UBE3D: variants seen among roughly 807,000 people sequenced by gnomAD.
UBE3D encodes E3 ubiquitin-protein ligase E3D.
A neutral mutation model predicts 49.6 loss-of-function variants in UBE3D; 48 were observed. The ratio of observed to expected loss-of-function variants is 0.97; its 90% CI spans 0.77 to 1.23. UBE3D has a LOEUF of 1.23. Among genes scored for constraint, UBE3D ranks in the 50% most tolerant of loss-of-function variants. UBE3D has a pLI of 0.00. For synonymous variants in UBE3D, 189 were observed against 174.2 expected (o/e 1.08, Z -0.67); for missense variants, 452 against 468.4 (o/e 0.96, Z 0.32).
intron 4 of UBE3D, among the ~76,000 whole-genome samples, chr6:83,043,619 C>T (rs984085235): frequency 2.0e-5 from 3 of 152,070 alleles, no homozygotes; most frequent in Non-Finnish European, 2.9e-5. Context: ...TTCCTGCAGT[C>T]GCTCAGTTAT....
chr6:83,032,533 C>T (rs1781952620), intron 5 of UBE3D, among the ~76,000 whole-genome samples: 1 of 152,158 alleles, frequency 6.6e-6, no homozygotes, highest in Non-Finnish European at 1.5e-5. Flanking sequence ...TGCCTTGTAT[C>T]CGATGAGACT....
chr6:82,999,304 C>T (rs1357705078), intron 8 of UBE3D, among the ~76,000 whole-genome samples: 1 of 152,158 alleles, frequency 6.6e-6, no homozygotes, highest in Non-Finnish European at 1.5e-5. Context: ...CCAGACCTTT[C>T]CATCTTGTCC....
intron 5 of UBE3D, among the ~76,000 whole-genome samples, chr6:83,029,189 A>C (rs902917853): frequency 1.3e-5 from 2 of 152,034 alleles, no homozygotes; most frequent in African/African-American, 4.8e-5. Context: ...TTTTTGTATA[A>C]ATTTTTTTTC....
chr6:82,975,544 A>G (rs189640926), intron 8 of UBE3D, among the ~76,000 whole-genome samples: 1 of 152,294 alleles, frequency 6.6e-6, no homozygotes, highest in African/African-American at 2.4e-5. Context: ...CTTACAAGAA[A>G]TATATACTAT....
chr6:82,985,703 T>C (rs1394382895), intron 8 of UBE3D, among the ~76,000 whole-genome samples: 1 of 152,172 alleles, frequency 6.6e-6, no homozygotes, highest in Non-Finnish European at 1.5e-5. Context: ...TTGAAATGGA[T>C]CCCCGTGTAA....
At chr6:82,937,391 T>C (rs12206178) in intron 9 of UBE3D, among the ~76,000 whole-genome samples, 185 of 152,046 alleles carry the variant, frequency 1.2e-3, no homozygotes, top group Non-Finnish European at 2.2e-3. Flanking sequence ...ACACAGCAGC[T>C]CCCTCCATGA....
chr6:83,007,022 T>C (rs1780028436), intron 8 of UBE3D, among the ~76,000 whole-genome samples: 1 of 152,196 alleles, frequency 6.6e-6, no homozygotes, highest in Non-Finnish European at 1.5e-5. Context: ...ACTAATACTA[T>C]TCTAGGACTA....
intron 4 of UBE3D, among the ~76,000 whole-genome samples, chr6:83,041,689 C>A (rs1782681038): frequency 6.6e-6 from 1 of 151,734 alleles, no homozygotes; most frequent in African/African-American, 2.4e-5. Flanking sequence ...TCTAAGAAAA[C>A]AAAAAAGACA....
At chr6:82,927,932 G>C (rs1172007438) in intron 9 of UBE3D, among the ~76,000 whole-genome samples, 1 of 151,862 alleles carries the variant, frequency 6.6e-6, no homozygotes, top group African/African-American at 2.4e-5. Context: ...TATTCTTAGG[G>C]AGATGGAAAC....
intron 7 of UBE3D, among the ~76,000 whole-genome samples, chr6:83,020,394 T>C (rs1781010271): frequency 6.6e-6 from 1 of 151,242 alleles, no homozygotes; most frequent in Admixed American, 6.6e-5. Flanking sequence ...TACATATATA[T>C]AGTTGTATAT....
chr6:82,959,417 A>T (rs552725409), intron 8 of UBE3D, among the ~76,000 whole-genome samples: 2 of 151,116 alleles, frequency 1.3e-5, no homozygotes, highest in African/African-American at 4.9e-5. Flanking sequence ...TGTACTCTCC[A>T]CCCCTGGGTC....
chr6:83,005,618 AT>A lies in UBE3D; in HGVS notation c.1010+13354del, dbSNP rs1001542321. On this transcript the variant is annotated intron_variant, in intron 8 of 9. Coordinates refer to ENST00000369747, the MANE Select transcript of UBE3D (RefSeq NM_198920.3). ...GGCAACATAGTAAGGTGCGGTCTCT[AT>A]TTTTTTTTTTAATTAAAAGAAAAAA... Among the ~76,000 whole-genome samples the A allele has an allele frequency of 7.3e-4, 104 of 143,310 alleles. 1 individual carries two copies. Among genetic ancestry groups the A allele is most frequent in the Admixed American group, 1.2e-3 (17 of 14,226 alleles). The allele number at this position is 143,310 out of a possible 152,430, so 94.0% of individuals were successfully genotyped here. A position where few individuals can be genotyped will look rare whatever the true frequency, so the allele number is the denominator to read the frequency against.
intron 8 of UBE3D, among the ~76,000 whole-genome samples, chr6:83,001,557 A>G (rs1779637241): frequency 6.6e-6 from 1 of 152,004 alleles, no homozygotes; most frequent in Admixed American, 6.6e-5. Context: ...TCTCCAGTTC[A>G]CCTCTTACTA....
At chr6:82,966,482 C>G (rs1776933417) in intron 8 of UBE3D, among the ~76,000 whole-genome samples, 1 of 106,992 alleles carries the variant, frequency 9.3e-6, no homozygotes, top group Non-Finnish European at 1.9e-5. Context: ...AACCCCGTCT[C>G]TACTAAAAAT....
At chr6:82,929,553 GT>G (rs1773992125) in intron 9 of UBE3D, among the ~76,000 whole-genome samples, 1 of 151,372 alleles carries the variant, frequency 6.6e-6, no homozygotes, top group African/African-American at 2.4e-5. Flanking sequence ...ACTTTAGTGG[GT>G]TTTTTTGTTG....
At position 83,039,916 on chromosome 6, in the gene UBE3D, A is replaced by G. The variant is rs575964406; in HGVS notation, c.598-1431T>C. On this transcript the variant is annotated intron_variant, in intron 4 of 9. Transcript: ENST00000369747. ...TGGCCTCCCTAAGTGCTGGGACTAT[A>G]GGCGTGAGCCACCACACCAGGCCTA... Among the ~76,000 whole-genome samples the G allele has an allele frequency of 3.9e-5, 6 of 152,258 alleles. No homozygotes were observed. In the East Asian group the frequency reaches 5.8e-4, roughly 15 times the overall value.
intron 1 of UBE3D, among the ~76,000 whole-genome samples, chr6:83,060,977 A>C (rs1223438973): frequency 6.6e-6 from 1 of 152,206 alleles, no homozygotes; most frequent in Non-Finnish European, 1.5e-5. Flanking sequence ...CCAATTACTG[A>C]TTATGAAGAG....
chr6:82,968,824 T>G (rs1280064657), intron 8 of UBE3D, among the ~76,000 whole-genome samples: 1 of 152,220 alleles, frequency 6.6e-6, no homozygotes, highest in Non-Finnish European at 1.5e-5. Flanking sequence ...GTTGGCTGTT[T>G]GGATTTGCTT....
intron 8 of UBE3D, among the ~76,000 whole-genome samples, chr6:82,976,829 G>T (rs1161402206): frequency 6.6e-6 from 1 of 152,002 alleles, no homozygotes; most frequent in African/African-American, 2.4e-5. Flanking sequence ...AGAAGGTAAA[G>T]GTAGGCCGGG....
Sources: allele counts gnomAD v4.1 joint callset (sites outside exome capture counted in the v4.1 genomes callset), GRCh38; gene constraint gnomAD v4.1.1; transcripts MANE v1.5; gene names NCBI Gene and HGNC (gene_info 2026-07-23, HGNC 2026-07-21).